ORAI2: variants seen among roughly 807,000 people sequenced by gnomAD.
ORAI2 encodes the protein ORAI calcium release-activated calcium modulator 2, also known as protein orai-2.
In ORAI2, 10 loss-of-function variants were observed where a neutral mutation model predicts 16.2. The ratio of observed to expected loss-of-function variants is 0.62; its 90% CI spans 0.38 to 1.04. The LOEUF is 1.04. ORAI2 is among the 50% of genes least tolerant of loss of function. ORAI2 has a pLI of 0.01. For synonymous variants in ORAI2, 150 were observed against 157.5 expected (o/e 0.95, Z 0.35); for missense variants, 238 against 355.5 (o/e 0.67, Z 2.66).
At chr7:102,440,168 G>A (rs1797157291) in intron 3 of ORAI2, among the ~76,000 whole-genome samples, 1 of 152,180 alleles carries the variant, frequency 6.6e-6, no homozygotes, top group Non-Finnish European at 1.5e-5. Context: ...GCCCATGTCT[G>A]CCCCGTCTCA....
At chr7:102,446,025 T>C (rs973739635) in intron 3 of ORAI2, among the ~76,000 whole-genome samples, 2 of 152,120 alleles carry the variant, frequency 1.3e-5, no homozygotes, top group African/African-American at 2.4e-5. Context: ...CTTGCCTCAC[T>C]GCAACCTCCA....
At chr7:102,446,419 C>G in intron 3 of ORAI2, 94 bp from the exon 4 acceptor site, 1 of 1,354,240 alleles carries the variant, frequency 7.4e-7, no homozygotes, top group Non-Finnish European at 9.9e-7. Flanking sequence ...TCCCCCGAAC[C>G]TGGCCCAGCC....
chr7:102,445,622 G>A (rs923490758), intron 3 of ORAI2, among the ~76,000 whole-genome samples: 1 of 151,688 alleles, frequency 6.6e-6, no homozygotes, highest in Admixed American at 6.6e-5. Flanking sequence ...GGCTAATTTT[G>A]TATTTTTTAT....
chr7:102,443,671 G>C (rs966310497), intron 3 of ORAI2, among the ~76,000 whole-genome samples: 9 of 151,970 alleles, frequency 5.9e-5, no homozygotes, highest in African/African-American at 2.2e-4. Flanking sequence ...TTACTGCTGA[G>C]TTGTTTTTCG....
rs991522227 is a variant in ORAI2 at position 102,451,280 on chromosome 7, A to G, written c.*4228A>G. The stretch of plus-strand genomic sequence containing the variant: ...CAGGGCCCATCCTAATTTGGAGCAC[A>G]GTCTTCCTGGTGCCTAGACATGCCA... On this transcript the variant is annotated 3_prime_UTR_variant, in exon 4 of 4. Transcript: ENST00000495936. The G allele has an allele frequency of 5.3e-5, 8 of 151,800 alleles. No homozygotes were observed. The highest frequency in any genetic ancestry group is 1.9e-4 in the African/African-American group (8 of 41,296). 9.4% of individuals were successfully genotyped at this position (151,800 alleles called of 1,614,324 possible). A position where few individuals can be genotyped will look rare whatever the true frequency, so the allele number is the denominator to read the frequency against.
rs7796449 is a variant in ORAI2 at position 102,448,413 on chromosome 7, A to G, written c.*1361A>G. ...GCCATGCCTTGTCTTTTGTTCTCAT[A>G]AATAGTCACTGGGGCCGGGCGCAGT... On this transcript the variant is annotated 3_prime_UTR_variant, in exon 4 of 4. Transcript: ENST00000495936. The G allele has an allele frequency of 0.04, 6,155 of 152,296 alleles. 170 individuals carry two copies. Among genetic ancestry groups the G allele is most frequent in the Middle Eastern group, 0.071 (21 of 294 alleles). The allele number at this position is 152,296 out of a possible 1,614,324, so 9.4% of individuals were successfully genotyped here. A position where few individuals can be genotyped will look rare whatever the true frequency, so the allele number is the denominator to read the frequency against.
intron 3 of ORAI2, among the ~76,000 whole-genome samples, chr7:102,439,783 T>C (rs546647021): frequency 3.0e-4 from 45 of 150,888 alleles, no homozygotes; most frequent in Admixed American, 7.3e-4. Context: ...AAAATAAAAT[T>C]TATTTATTTA....
chr7:102,435,533 C>CG (rs1797036733), intron 1 of ORAI2, among the ~76,000 whole-genome samples: 1 of 128,390 alleles, frequency 7.8e-6, no homozygotes, highest in East Asian at 2.4e-4. Context: ...ATTGCCCCCC[C>CG]CTCTTTTTTT....
At chr7:102,441,118 C>A (rs1229771735) in intron 3 of ORAI2, among the ~76,000 whole-genome samples, 3 of 149,568 alleles carry the variant, frequency 2.0e-5, no homozygotes, top group Admixed American at 1.3e-4. Context: ...GGCTCGAACT[C>A]CTGACCTCAG....
chr7:102,439,240 C>T, intron 3 of ORAI2, 59 bp downstream of exon 3: 1 of 1,434,444 alleles, frequency 7.0e-7, no homozygotes, highest in Non-Finnish European at 9.7e-7. Flanking sequence ...TAACTGAGGT[C>T]CCGGGATGCC....
rs1481998789 is a variant in ORAI2 at position 102,452,512 on chromosome 7, T to C, written c.*5460T>C. ...GAGTGCAGTGGTGCAATCATAGCTCTCTGCAGGCTCCAGCTTCTGGGCGCA... is the reference window on the plus strand; with the variant it reads ...GAGTGCAGTGGTGCAATCATAGCTCCCTGCAGGCTCCAGCTTCTGGGCGCA... On this transcript the variant is annotated 3_prime_UTR_variant, in exon 4 of 4. Coordinates refer to ENST00000495936, the MANE Select transcript of ORAI2 (RefSeq NM_001126340.3). 6.6e-6 allele frequency: 1 copy of C among 151,604 alleles called. No homozygotes were observed. The highest frequency in any genetic ancestry group is 1.5e-5 in the Non-Finnish European group (1 of 67,902). 9.4% of individuals were successfully genotyped at this position (151,604 alleles called of 1,614,324 possible).
intron 3 of ORAI2, among the ~76,000 whole-genome samples, chr7:102,442,611 C>G (rs1488775599): frequency 1.3e-5 from 2 of 152,030 alleles, no homozygotes; most frequent in Non-Finnish European, 2.9e-5. Flanking sequence ...CACTTGAACC[C>G]GGGAGGCAAA....
rs373975720 is a variant in ORAI2 at position 102,446,905 on chromosome 7, C to T, written c.618C>T (p.Pro206=). Residue 206 remains proline, a synonymous_variant, in exon 4 of 4, where the codon CCC becomes CCT. Coordinates refer to ENST00000495936, the MANE Select transcript of ORAI2 (RefSeq NM_001126340.3). ...AALVSTIIMV[P]VGLIFVVFTI... ...TGGTGTCCACCATCATCATGGTGCC[C>T]GTGGGCCTCATCTTCGTGGTCTTCA... 2.8e-5 allele frequency: 45 copies of T among 1,613,170 alleles called. No homozygotes were observed. The highest frequency in any genetic ancestry group is 1.8e-4 in the Admixed American group (11 of 60,002).
chr7:102,450,624 G>A lies in ORAI2; in HGVS notation c.*3572G>A, dbSNP rs1797495753. Reference sequence around the variant, plus strand: ...GAGGATGACAGTCTTGGAATTTCTTGTTCTCTTTCTCCTAGGGTTCTCGTT... The same window carrying A: ...GAGGATGACAGTCTTGGAATTTCTTATTCTCTTTCTCCTAGGGTTCTCGTT... On this transcript the variant is annotated 3_prime_UTR_variant, in exon 4 of 4. Transcript: ENST00000495936. The A allele has an allele frequency of 6.6e-6, 1 of 152,304 alleles. No homozygotes were observed. Among genetic ancestry groups the A allele is most frequent in the Admixed American group, 6.5e-5 (1 of 15,272 alleles). 9.4% of individuals were successfully genotyped at this position (152,304 alleles called of 1,614,324 possible).
chr7:102,449,588 T>C lies in ORAI2; in HGVS notation c.*2536T>C, dbSNP rs1443976780. Reference sequence around the variant, plus strand: ...CGGGTATGGTGGCGGGTACCTGTAATCCCAGCTACTCAGGAGGCTGAGGCA... The same window carrying C: ...CGGGTATGGTGGCGGGTACCTGTAACCCCAGCTACTCAGGAGGCTGAGGCA... On this transcript the variant is annotated 3_prime_UTR_variant, in exon 4 of 4. Transcript: ENST00000495936. 2 of 152,078 alleles carry C rather than the reference T, an allele frequency of 1.3e-5. No individual in the cohort carries two copies. The highest frequency in any genetic ancestry group is 2.9e-5 in the Non-Finnish European group (2 of 68,048). 9.4% of individuals were successfully genotyped at this position (152,078 alleles called of 1,614,324 possible).
chr7:102,441,995 C>G (rs531263526), intron 3 of ORAI2, among the ~76,000 whole-genome samples: 33 of 152,218 alleles, frequency 2.2e-4, no homozygotes, highest in Non-Finnish European at 4.1e-4. Flanking sequence ...TGTGTCTTCC[C>G]TCATTAGAAT....
At chr7:102,436,367 A>G (rs1797058642) in intron 2 of ORAI2, 34 bp downstream of exon 2, 1 of 984,930 alleles carries the variant, frequency 1.0e-6, no homozygotes, top group Non-Finnish European at 1.2e-6. Context: ...ATAGCACAGA[A>G]CTGTTCCCAG....
chr7:102,437,529 G>A (rs1284738738), intron 2 of ORAI2, among the ~76,000 whole-genome samples: 3 of 152,052 alleles, frequency 2.0e-5, no homozygotes, highest in Non-Finnish European at 4.4e-5. Flanking sequence ...GCAGGAGAAC[G>A]GCTTCAACCC....
intron 3 of ORAI2, among the ~76,000 whole-genome samples, chr7:102,440,308 G>A (rs1227064714): frequency 6.6e-6 from 1 of 152,090 alleles, no homozygotes; most frequent in Non-Finnish European, 1.5e-5. Flanking sequence ...GGTGACAAAG[G>A]AGAGCTTTTG....
Sources: allele counts gnomAD v4.1 joint callset (sites outside exome capture counted in the v4.1 genomes callset), GRCh38; gene constraint gnomAD v4.1.1; transcripts MANE v1.5; gene names NCBI Gene and HGNC (gene_info 2026-07-23, HGNC 2026-07-21).